MS4A8: variants seen among roughly 807,000 people sequenced by gnomAD.
MS4A8 encodes membrane spanning 4-domains A8, also known as membrane-spanning 4-domains subfamily A member 8.
MS4A8 carries 27 observed loss-of-function variants against 23.7 expected under a neutral mutation model. The ratio of observed to expected loss-of-function variants is 1.14; its 90% CI spans 0.84 to 1.57. MS4A8 has a LOEUF of 1.57. MS4A8 is among the 40% of genes most tolerant of loss of function. The pLI, the probability that MS4A8 is intolerant of heterozygous loss-of-function variation, is 0.00. For synonymous variants in MS4A8, 138 were observed against 126.3 expected (o/e 1.09, Z -0.62); for missense variants, 301 against 311.4 (o/e 0.97, Z 0.25).
chr11:60,715,466 C>T lies in MS4A8; in HGVS notation c.*52C>T, dbSNP rs1251135827. 12 of 1,443,290 alleles carry T rather than the reference C, an allele frequency of 8.3e-6. No homozygotes were observed. The highest frequency in any genetic ancestry group is 2.8e-5 in the African/African-American group (2 of 71,650). The allele number at this position is 1,443,290 out of a possible 1,614,324, so 89.4% of individuals were successfully genotyped here. A position where few individuals can be genotyped will look rare whatever the true frequency, so the allele number is the denominator to read the frequency against. On this transcript the variant is annotated 3_prime_UTR_variant, in exon 7 of 7. Coordinates refer to ENST00000300226, the MANE Select transcript of MS4A8 (RefSeq NM_031457.2). ...ACTGGGACCAAAAGAAGTCCTCCTC[C>T]CTTTCTGGGCTTCCATAACCCAGGT...
intron 3 of MS4A8, among the ~76,000 whole-genome samples, 156 bp downstream of exon 3, chr11:60,703,656 G>T (rs1223766373): frequency 1.3e-5 from 2 of 152,210 alleles, no homozygotes; most frequent in African/African-American, 4.8e-5. Context: ...CGTTCCGCAA[G>T]CATATTAGTT....
At chr11:60,699,983 C>T (rs1435864117) in intron 1 of MS4A8, among the ~76,000 whole-genome samples, 3 of 152,220 alleles carry the variant, frequency 2.0e-5, no homozygotes, top group Non-Finnish European at 4.4e-5. Flanking sequence ...TTTAAAACCA[C>T]ATTAGAATGT....
At chr11:60,707,812 C>CTTTTTTTTTTTTTTTT (rs5792195) in intron 4 of MS4A8, among the ~76,000 whole-genome samples, 9 of 55,166 alleles carry the variant, frequency 1.6e-4, no homozygotes, top group Non-Finnish European at 2.1e-4. Flanking sequence ...TTTTCTTTTT[C>CTTTTTTTTTTTTTTTT]TTTTTTTTTT....
At chr11:60,702,188 A>G (rs2134653559) in intron 2 of MS4A8, among the ~76,000 whole-genome samples, 1 of 152,352 alleles carries the variant, frequency 6.6e-6, no homozygotes, top group Non-Finnish European at 1.5e-5. Flanking sequence ...ACCAAACATC[A>G]TAGCTTAGCC....
chr11:60,709,513 A>G (rs2088284036), intron 5 of MS4A8, among the ~76,000 whole-genome samples: 1 of 152,208 alleles, frequency 6.6e-6, no homozygotes, highest in African/African-American at 2.4e-5. Flanking sequence ...GCTATTTTGC[A>G]TTTGGGGAAC....
intron 2 of MS4A8, among the ~76,000 whole-genome samples, chr11:60,702,764 C>T (rs1460603621): frequency 6.6e-6 from 1 of 152,194 alleles, no homozygotes; most frequent in East Asian, 1.9e-4. Context: ...TCCAGTGTGA[C>T]CTCATCTTGG....
At chr11:60,712,756 C>T (rs1304171121) in intron 5 of MS4A8, among the ~76,000 whole-genome samples, 1 of 151,766 alleles carries the variant, frequency 6.6e-6, no homozygotes, top group Non-Finnish European at 1.5e-5. Flanking sequence ...CATGCCACTG[C>T]TCTCCAACCT....
rs751198816 is a variant in MS4A8 at position 60,701,075 on chromosome 11, TG to T, written c.219+1del. On this transcript the variant is annotated frameshift_variant, in exon 2 of 7. Coordinates refer to ENST00000300226, the MANE Select transcript of MS4A8 (RefSeq NM_031457.2). LOFTEE classifies it high-confidence loss of function. ...VQKALKEGKT[L>X]GAIQIIIGLA... ...AAAGCTCTGAAAGAAGGCAAAACCTTGGGGGTAAGTGAGATTTCCCTTTGCA... is the reference window on the plus strand; with the variant it reads ...AAAGCTCTGAAAGAAGGCAAAACCTTGGGGTAAGTGAGATTTCCCTTTGCA... The T allele has an allele frequency of 2.5e-6, 4 of 1,613,760 alleles. 1 individual carries two copies. The highest frequency in any genetic ancestry group is 3.4e-6 in the Non-Finnish European group (4 of 1,179,918).
intron 5 of MS4A8, 48 bp from the exon 6 acceptor site, chr11:60,714,973 G>A (rs368706179): frequency 3.7e-5 from 50 of 1,357,876 alleles, no homozygotes; most frequent in South Asian, 1.3e-4. Flanking sequence ...AGGTCAGTTC[G>A]GACTCCCAGT....
chr11:60,700,174 C>T (rs2088189109), intron 1 of MS4A8, among the ~76,000 whole-genome samples: 1 of 152,196 alleles, frequency 6.6e-6, no homozygotes, highest in Non-Finnish European at 1.5e-5. Context: ...GAGAATTGAA[C>T]TCAATGTTGT....
chr11:60,708,754 C>T lies in MS4A8; in HGVS notation c.507C>T (p.Pro169=), dbSNP rs749645362. ...DLSIPHPYAY[P]DYYPYAWGVN... ...GTATTCCCCACCCATATGCCTACCC[C>T]GACTATTATCCTTACGCCTGGGGTG... The change falls in exon 5 of 7, where the codon CCC becomes CCT. Residue 169 remains proline, a synonymous_variant. Transcript: ENST00000300226. 3.1e-6 allele frequency: 5 copies of T among 1,613,986 alleles called. No homozygotes were observed. The South Asian group carries it at 4.4e-5, about 14-fold the overall frequency.
intron 5 of MS4A8, chr11:60,709,146 G>A: frequency 3.8e-6 from 1 of 266,070 alleles, no homozygotes; most frequent in Non-Finnish European, 7.3e-6. Flanking sequence ...CCAATAGTAA[G>A]CAGTTAAGGT....
intron 5 of MS4A8, among the ~76,000 whole-genome samples, chr11:60,713,911 T>TAACAAGCG (rs1565054187): frequency 2.8e-4 from 32 of 114,672 alleles, no homozygotes; most frequent in African/African-American, 1.2e-3. Context: ...TGATGACTCT[T>TAACAAGCG]TTTTTTTTTT....
intron 5 of MS4A8, 47 bp downstream of exon 5, chr11:60,708,828 A>C (rs746163838): frequency 1.2e-6 from 2 of 1,608,738 alleles, no homozygotes; most frequent in Non-Finnish European, 1.7e-6. Flanking sequence ...TGAATTAGCT[A>C]CATTTAGAAA....
chr11:60,708,506 A>T (rs1368850160), intron 4 of MS4A8, 144 bp from the exon 5 acceptor site: 1 of 756,520 alleles, frequency 1.3e-6, no homozygotes, highest in African/African-American at 1.8e-5. Context: ...ACACTTGAAA[A>T]TGATTAGGAT....
At chr11:60,701,411 A>G in intron 2 of MS4A8, 1 of 451,544 alleles carries the variant, frequency 2.2e-6, no homozygotes, top group Non-Finnish European at 4.3e-6. Context: ...AAAATAGACC[A>G]CAAGGTGGAG....
chr11:60,714,577 A>G (rs1196896518), intron 5 of MS4A8, among the ~76,000 whole-genome samples: 1 of 152,054 alleles, frequency 6.6e-6, no homozygotes, highest in Non-Finnish European at 1.5e-5. Context: ...TTTTCACAGG[A>G]GGCCTTTTCC....
intron 2 of MS4A8, 44 bp from the exon 3 acceptor site, chr11:60,703,334 C>T (rs771901217): frequency 5.0e-5 from 75 of 1,491,732 alleles, no homozygotes; most frequent in Non-Finnish European, 6.6e-5. Flanking sequence ...GGAGGCAGGA[C>T]CCAGCCTCAG....
At chr11:60,705,873 G>A (rs544476830) in intron 3 of MS4A8, among the ~76,000 whole-genome samples, 1 of 152,314 alleles carries the variant, frequency 6.6e-6, no homozygotes, top group Non-Finnish European at 1.5e-5. Context: ...AAACTCCGCT[G>A]GATGATGTTG....
Sources: allele counts gnomAD v4.1 joint callset (sites outside exome capture counted in the v4.1 genomes callset), GRCh38; gene constraint gnomAD v4.1.1; transcripts MANE v1.5; gene names NCBI Gene and HGNC (gene_info 2026-07-23, HGNC 2026-07-21).